Variants in MDFIC2 observed in about 807,000 individuals in gnomAD.
MDFIC2 encodes the protein MyoD family inhibitor domain containing 2.
At chr3:70,299,656 C>T (rs908715054) in intron 2 of MDFIC2, among the ~76,000 whole-genome samples, 2 of 152,036 alleles carry the variant, frequency 1.3e-5, no homozygotes, top group African/African-American at 4.8e-5. Flanking sequence ...GAATTCATGC[C>T]TTCTCATTTG....
At chr3:70,252,274 A>G (rs1468818292) in intron 2 of MDFIC2, among the ~76,000 whole-genome samples, 4 of 152,188 alleles carry the variant, frequency 2.6e-5, no homozygotes, top group East Asian at 3.9e-4. Context: ...GGCTTAAAGT[A>G]TATGTATCGT....
At chr3:70,273,761 A>G (rs929915087) in intron 2 of MDFIC2, among the ~76,000 whole-genome samples, 2 of 152,218 alleles carry the variant, frequency 1.3e-5, no homozygotes, top group Non-Finnish European at 2.9e-5. Flanking sequence ...TTTGTTTAGC[A>G]GTCAAATGTA....
chr3:70,280,110 T>G (rs1339692384), intron 2 of MDFIC2, among the ~76,000 whole-genome samples: 2 of 152,154 alleles, frequency 1.3e-5, no homozygotes, highest in African/African-American at 2.4e-5. Flanking sequence ...ATCTATTTTT[T>G]GCCTCTTCCA....
At chr3:70,273,835 C>T (rs1204962698) in intron 2 of MDFIC2, among the ~76,000 whole-genome samples, 1 of 152,094 alleles carries the variant, frequency 6.6e-6, no homozygotes, top group Non-Finnish European at 1.5e-5. Context: ...CAGAGTCTCA[C>T]TTTATTGCCT....
chr3:70,286,405 T>C (rs1278452511), intron 2 of MDFIC2, among the ~76,000 whole-genome samples: 4 of 152,030 alleles, frequency 2.6e-5, no homozygotes, highest in Admixed American at 2.0e-4. Context: ...TCTGTTCTGT[T>C]CCATTGATCT....
chr3:70,256,800 G>A (rs1052467721), intron 2 of MDFIC2, among the ~76,000 whole-genome samples: 6 of 152,178 alleles, frequency 3.9e-5, no homozygotes, highest in African/African-American at 1.4e-4. Flanking sequence ...CTAAACATAT[G>A]TAATATACTA....
chr3:70,243,596 G>A (rs1559543348), intron 2 of MDFIC2, among the ~76,000 whole-genome samples: 1 of 152,002 alleles, frequency 6.6e-6, no homozygotes, highest in Non-Finnish European at 1.5e-5. Flanking sequence ...CTTTGTCGTG[G>A]GGGTGCTGTG....
Position 70,196,930 on chromosome 3 carries a change from C to A in MDFIC2, c.566G>T (p.Arg189Leu). The A allele has an allele frequency of 5.0e-6, 2 of 398,486 alleles. No individual in the cohort carries two copies. The highest frequency in any genetic ancestry group is 8.9e-6 in the Non-Finnish European group (2 of 225,986). 24.7% of individuals were successfully genotyped at this position (398,486 alleles called of 1,614,324 possible). A position where few individuals can be genotyped will look rare whatever the true frequency, so the allele number is the denominator to read the frequency against. The change falls in exon 4 of 4, where the codon CGC becomes CTC. Residue 189 changes from arginine (R) to leucine (L), a missense_variant. Coordinates refer to ENST00000567252, the MANE Select transcript of MDFIC2 (RefSeq NM_001364677.1). ...LAMEISEICYR is the reference protein window; with the variant it reads ...LAMEISEICYL ...GAATGTGGTTACTTCACTGTGCTAG[C>A]GGTAACAGATTTCTGAAATCTCCAT...
At chr3:70,270,839 A>T (rs1701969122) in intron 2 of MDFIC2, among the ~76,000 whole-genome samples, 1 of 152,100 alleles carries the variant, frequency 6.6e-6, no homozygotes, top group African/African-American at 2.4e-5. Flanking sequence ...AGCAATTAGA[A>T]CACATGGACA....
At position 70,206,476 on chromosome 3, in the gene MDFIC2, A is replaced by G. The variant is rs944960695; in HGVS notation, c.310+93T>C. On this transcript the variant is annotated intron_variant, in intron 3 of 3. Transcript: ENST00000567252. Reference sequence around the variant, plus strand: ...GTCTTCGTGTTTAATATTCATAAGGACTTTTTTTTTCCTAACAGCATATGT... The same window carrying G: ...GTCTTCGTGTTTAATATTCATAAGGGCTTTTTTTTTCCTAACAGCATATGT... 1.3e-5 allele frequency: 5 copies of G among 395,544 alleles called. No homozygotes were observed. In the East Asian group the frequency reaches 1.8e-4, roughly 14 times the overall value. 24.5% of individuals were successfully genotyped at this position (395,544 alleles called of 1,614,324 possible).
At chr3:70,299,287 A>G (rs1438730817) in intron 2 of MDFIC2, among the ~76,000 whole-genome samples, 2 of 151,768 alleles carry the variant, frequency 1.3e-5, no homozygotes, top group Admixed American at 6.6e-5. Context: ...AAAATATTGC[A>G]TAATCATATT....
At chr3:70,271,379 A>T (rs754139867) in intron 2 of MDFIC2, among the ~76,000 whole-genome samples, 1 of 152,200 alleles carries the variant, frequency 6.6e-6, no homozygotes, top group Non-Finnish European at 1.5e-5. Flanking sequence ...TCACTGGTGG[A>T]ACTCCAATGG....
At chr3:70,244,229 C>T (rs1701684873) in intron 2 of MDFIC2, among the ~76,000 whole-genome samples, 1 of 152,158 alleles carries the variant, frequency 6.6e-6, no homozygotes, top group African/African-American at 2.4e-5. Context: ...GTAATGCACT[C>T]CAGTAAGGAA....
At chr3:70,250,641 CTG>C (rs1466577285) in intron 2 of MDFIC2, among the ~76,000 whole-genome samples, 1 of 152,156 alleles carries the variant, frequency 6.6e-6, no homozygotes, top group African/African-American at 2.4e-5. Flanking sequence ...TCAAATTACG[CTG>C]TGTTTTTATT....
At chr3:70,199,286 C>A (rs1299948026) in intron 3 of MDFIC2, among the ~76,000 whole-genome samples, 1 of 152,118 alleles carries the variant, frequency 6.6e-6, no homozygotes, top group African/African-American at 2.4e-5. Context: ...AGTGTACAAC[C>A]TTTTGGTTCA....
chr3:70,243,032 G>A (rs1389122655), intron 2 of MDFIC2, among the ~76,000 whole-genome samples: 2 of 152,144 alleles, frequency 1.3e-5, no homozygotes, highest in East Asian at 3.9e-4. Flanking sequence ...TGGGTTTTTA[G>A]CATATTTCTG....
At chr3:70,264,123 A>G (rs1352973571) in intron 2 of MDFIC2, among the ~76,000 whole-genome samples, 6 of 152,216 alleles carry the variant, frequency 3.9e-5, no homozygotes, top group African/African-American at 1.2e-4. Flanking sequence ...TTAAATGATT[A>G]CAAAATATAT....
At chr3:70,242,369 C>CT (rs1420426969) in intron 2 of MDFIC2, among the ~76,000 whole-genome samples, 1 of 152,092 alleles carries the variant, frequency 6.6e-6, no homozygotes, top group African/African-American at 2.4e-5. Flanking sequence ...AGTTTTTAAA[C>CT]TTTTTTCCCA....
chr3:70,306,401 T>G (rs1375042585), intron 2 of MDFIC2, among the ~76,000 whole-genome samples: 1 of 152,278 alleles, frequency 6.6e-6, no homozygotes, highest in East Asian at 1.9e-4. Flanking sequence ...ATGAGCTACC[T>G]CACCCGGCCA....
Sources: gnomAD v4.1 joint callset for allele counts (sites outside exome capture counted in the v4.1 genomes callset) on GRCh38, gnomAD v4.1.1 for gene constraint, MANE v1.5 for transcripts, NCBI Gene and HGNC (gene_info 2026-07-23, HGNC 2026-07-21) for gene names.